The following NSD2 variants were observed in gnomAD, a reference collection of about 807,000 sequenced individuals.
The protein encoded by NSD2 is nuclear receptor binding SET domain protein 2.
A neutral mutation model predicts 139.0 loss-of-function variants in NSD2; 12 were observed. The ratio of observed to expected loss-of-function variants is 0.09; its 90% CI spans 0.06 to 0.14. NSD2 has a LOEUF of 0.14. Ranked by LOEUF, NSD2 falls within the 10% of genes least tolerant of loss-of-function variation. The pLI is 1.00. For synonymous variants in NSD2, 669 were observed against 648.7 expected, an observed-to-expected ratio of 1.03 and a Z score of -0.48; for missense variants, 1,155 against 1,745.0, an observed-to-expected ratio of 0.66 and a Z score of 6.02.
At chr4:1,969,126 C>A (rs998140770) in intron 18 of NSD2, among the ~76,000 whole-genome samples, 3 of 152,184 alleles carry the variant, frequency 2.0e-5, no homozygotes, top group African/African-American at 7.2e-5. Context: ...GGGCCTGCCC[C>A]CAGCGGCGCT....
chr4:1,902,973 A>G (rs550146891), intron 2 of NSD2, among the ~76,000 whole-genome samples: 11 of 152,190 alleles, frequency 7.2e-5, no homozygotes, highest in Admixed American at 5.9e-4. Context: ...CCAGGAGTTC[A>G]AGACTAGCCT....
chr4:1,871,799 G>A (rs1713789713), intron 1 of NSD2, among the ~76,000 whole-genome samples: 1 of 149,466 alleles, frequency 6.7e-6, no homozygotes. Flanking sequence ...GGGAGGACCG[G>A]GCGGACCGCG....
At chr4:1,953,279 G>T (rs758784390) in intron 11 of NSD2, 45 bp from the exon 12 acceptor site, 1 of 1,614,146 alleles carries the variant, frequency 6.2e-7, no homozygotes, top group South Asian at 1.1e-5. Context: ...TTTAATTCTT[G>T]TTCTTTGCAC....
chr4:1,944,225 A>G, intron 9 of NSD2: 1 of 1,066,150 alleles, frequency 9.4e-7, no homozygotes. Context: ...CTCATCCTAG[A>G]GGAGCGGAGT....
chr4:1,912,607 T>A (rs1178375405), intron 3 of NSD2, among the ~76,000 whole-genome samples: 2 of 152,026 alleles, frequency 1.3e-5, no homozygotes, highest in Non-Finnish European at 2.9e-5. Context: ...TATATATTTA[T>A]ATAGTTATTT....
Position 1,916,914 on chromosome 4 carries a change from T to C in NSD2, c.804T>C (p.Gly268=). 1 of 1,614,122 alleles carries C rather than the reference T, an allele frequency of 6.2e-7. No homozygotes were observed. The highest frequency in any genetic ancestry group is 8.5e-7 in the Non-Finnish European group (1 of 1,180,018). Reference sequence around the variant, plus strand: ...GCCAGTATCACGTACAGTTCTTTGGTGACGCCCCAGAAAGAGCTTGGATAT... The same window carrying C: ...GCCAGTATCACGTACAGTTCTTTGGCGACGCCCCAGAAAGAGCTTGGATAT... ...SARQYHVQFF[G]DAPERAWIFE... The change falls in exon 4 of 22, where the codon GGT becomes GGC. Residue 268 remains glycine (G), a synonymous_variant. Transcript: ENST00000508803.
intron 5 of NSD2, among the ~76,000 whole-genome samples, chr4:1,930,356 ATATT>A (rs1313187704): frequency 2.4e-4 from 36 of 152,288 alleles, no homozygotes; most frequent in Non-Finnish European, 4.6e-4. Context: ...AAGTATATAT[ATATT>A]TTTATCATTT....
At chr4:1,909,301 G>A (rs1316360028) in intron 3 of NSD2, among the ~76,000 whole-genome samples, 1 of 152,040 alleles carries the variant, frequency 6.6e-6, no homozygotes, top group Non-Finnish European at 1.5e-5. Flanking sequence ...CTCAGAGAAG[G>A]CCTAGGTTCT....
intron 1 of NSD2, among the ~76,000 whole-genome samples, chr4:1,884,209 C>A (rs777600254): frequency 6.6e-6 from 1 of 151,768 alleles, no homozygotes. Context: ...CATCCTCCCA[C>A]CTCAGCCTCC....
chr4:1,942,128 C>A lies in NSD2; in HGVS notation c.1881+2350C>A. On this transcript the variant is annotated intron_variant, in intron 9 of 21. Coordinates refer to ENST00000508803, the MANE Select transcript of NSD2 (RefSeq NM_001042424.3). The surrounding 1 kb of genome is among the most constrained non-coding windows in gnomAD (Gnocchi z 4.0). ...AGGTCATGTTGTAGTTTAAATTCTT[C>A]TTGAAAAAGGTATATGTGATAAATA... 1 of 1,270,382 alleles carries A rather than the reference C, an allele frequency of 7.9e-7. No individual in the cohort carries two copies. Among genetic ancestry groups the A allele is most frequent in the Non-Finnish European group, 1.0e-6 (1 of 1,004,762 alleles). 78.7% of individuals were successfully genotyped at this position (1,270,382 alleles called of 1,614,324 possible).
chr4:1,920,112 A>T (rs768275016), intron 5 of NSD2, among the ~76,000 whole-genome samples: 1 of 152,132 alleles, frequency 6.6e-6, no homozygotes, highest in Admixed American at 6.5e-5. Context: ...TTTTGTCCCT[A>T]TATGGGATCT....
At chr4:1,936,546 C>T (rs1221220279) in intron 7 of NSD2, among the ~76,000 whole-genome samples, 1 of 151,536 alleles carries the variant, frequency 6.6e-6, no homozygotes, top group African/African-American at 2.4e-5. Context: ...TGGTGCATGC[C>T]TGTAATCTCA....
chr4:1,904,178 G>T, intron 2 of NSD2, 38 bp from the exon 3 acceptor site: 1 of 1,598,924 alleles, frequency 6.3e-7, no homozygotes, highest in South Asian at 1.1e-5. Context: ...GGTAGTGATT[G>T]GATGTGTTAG....
intron 1 of NSD2, among the ~76,000 whole-genome samples, chr4:1,897,712 C>T (rs959730262): frequency 6.6e-6 from 1 of 152,150 alleles, no homozygotes. Flanking sequence ...TTGCAGCCTC[C>T]ACCTCCTGGG....
In NSD2 at chr4:1,904,199, CTGT is replaced by C. The variant is rs1717584529; in HGVS notation, c.598-12_598-10del. ...GATTGGATGTGTTAGTGTTTGTCTTCTGTTGTTCATTTTCAGATTCCAGCTAAG... is the reference window on the plus strand; with the variant it reads ...GATTGGATGTGTTAGTGTTTGTCTTCTGTTCATTTTCAGATTCCAGCTAAG... On this transcript the variant is annotated splice_polypyrimidine_tract_variant and intron_variant, in intron 2 of 21. Coordinates refer to ENST00000508803, the MANE Select transcript of NSD2 (RefSeq NM_001042424.3). 6.2e-7 allele frequency: 1 copy of C among 1,610,696 alleles called. No individual in the cohort carries two copies. Among genetic ancestry groups the C allele is most frequent in the Admixed American group, 1.7e-5 (1 of 59,756 alleles).
chr4:1,971,791 GT>G (rs1050373234), intron 18 of NSD2, among the ~76,000 whole-genome samples: 9 of 152,192 alleles, frequency 5.9e-5, no homozygotes, highest in African/African-American at 2.2e-4. Flanking sequence ...ACCCTATCAG[GT>G]AAAGGAGGAA....
intron 6 of NSD2, among the ~76,000 whole-genome samples, chr4:1,934,189 G>C (rs1427300632): frequency 1.3e-5 from 2 of 151,544 alleles, no homozygotes; most frequent in South Asian, 2.1e-4. Context: ...GGGTTCAAGC[G>C]ATTCTTCTGC....
At chr4:1,961,848 T>C (rs1234587903) in intron 18 of NSD2, among the ~76,000 whole-genome samples, 3 of 152,210 alleles carry the variant, frequency 2.0e-5, no homozygotes, top group African/African-American at 7.2e-5. Context: ...TGACTTCAGC[T>C]GGGGAAGTGT....
Position 1,981,382 on chromosome 4 carries a change from G to T in NSD2, c.*2473G>T, listed in dbSNP as rs1021374799. The T allele has an allele frequency of 6.4e-5, 15 of 233,356 alleles. No individual in the cohort carries two copies. In the Admixed American group the frequency reaches 7.3e-4, roughly 11 times the overall value. The allele number at this position is 233,356 out of a possible 1,614,324, so 14.5% of individuals were successfully genotyped here. Reference sequence around the variant, plus strand: ...GTGGGTGTGGCTGGCTCTCGGCCCTGCCCAGCTTTGTTCTGAGGACGTGGT... The same window carrying T: ...GTGGGTGTGGCTGGCTCTCGGCCCTTCCCAGCTTTGTTCTGAGGACGTGGT... On this transcript the variant is annotated 3_prime_UTR_variant, in exon 22 of 22. Transcript: ENST00000508803.
Sources: gnomAD v4.1 joint callset for allele counts (sites outside exome capture counted in the v4.1 genomes callset) on GRCh38, gnomAD v4.1.1 for gene constraint, Gnocchi (gnomAD v3.1) non-coding constraint, MANE v1.5 for transcripts, NCBI Gene and HGNC (gene_info 2026-07-23, HGNC 2026-07-21) for gene names.